The following AHCYL2 variants were observed in gnomAD, a reference collection of about 807,000 sequenced individuals.
The protein encoded by AHCYL2 is S-adenosylhomocysteine hydrolase-like protein 2.
A neutral mutation model predicts 81.4 loss-of-function variants in AHCYL2; 28 were observed. The ratio of observed to expected loss-of-function variants is 0.34; its 90% CI spans 0.25 to 0.47. The LOEUF is 0.47. Among genes scored for constraint, AHCYL2 ranks in the 20% least tolerant of loss-of-function variants. The pLI, the probability that AHCYL2 is intolerant of heterozygous loss-of-function variation, is 1.00. For missense variants in AHCYL2, 551 were observed against 785.1 expected, an observed-to-expected ratio of 0.70 and a Z score of 3.56; for synonymous variants, 272 against 290.2, an observed-to-expected ratio of 0.94 and a Z score of 0.64.
At chr7:129,323,983 G>A (rs1176095096) in intron 1 of AHCYL2, among the ~76,000 whole-genome samples, 1 of 150,136 alleles carries the variant, frequency 6.7e-6, no homozygotes, top group Non-Finnish European at 1.5e-5. Flanking sequence ...AGATTCTCCT[G>A]CCTCAGACTC....
At chr7:129,240,909 G>A (rs565620372) in intron 1 of AHCYL2, among the ~76,000 whole-genome samples, 1 of 152,174 alleles carries the variant, frequency 6.6e-6, no homozygotes, top group South Asian at 2.1e-4. Flanking sequence ...TTAACCTGTG[G>A]GTCATTCATG....
At chr7:129,252,349 A>G (rs1795273434) in intron 1 of AHCYL2, among the ~76,000 whole-genome samples, 1 of 152,254 alleles carries the variant, frequency 6.6e-6, no homozygotes, top group Non-Finnish European at 1.5e-5. Context: ...ATGATACTTG[A>G]CAGTTTTAAA....
rs1311974377 is a variant in AHCYL2, at chr7:129,304,509, G to A, written c.364-75129G>A. On this transcript the variant is annotated intron_variant, in intron 1 of 16. Transcript: ENST00000325006. ...AAGTCTCTAGCTAGCTATTGTTTTG[G>A]AGTCTTATCTATTTAGCTCTAATAA... Among the ~76,000 whole-genome samples the A allele has an allele frequency of 3.3e-5, 5 of 152,118 alleles. No individual in the cohort carries two copies. The East Asian group carries it at 5.8e-4, about 18-fold the overall frequency.
At chr7:129,358,400 A>C (rs1432107249) in intron 1 of AHCYL2, among the ~76,000 whole-genome samples, 1 of 147,214 alleles carries the variant, frequency 6.8e-6, no homozygotes, top group Non-Finnish European at 1.5e-5. Flanking sequence ...TCACACACAC[A>C]CAAAAAAAAA....
intron 1 of AHCYL2, among the ~76,000 whole-genome samples, chr7:129,243,733 C>G (rs1315763810): frequency 1.3e-5 from 2 of 151,822 alleles, no homozygotes; most frequent in African/African-American, 4.8e-5. Flanking sequence ...AGGCGCCCAC[C>G]ACCACGCCCA....
At chr7:129,262,789 G>T (rs1314196799) in intron 1 of AHCYL2, among the ~76,000 whole-genome samples, 1 of 152,194 alleles carries the variant, frequency 6.6e-6, no homozygotes, top group Admixed American at 6.5e-5. Context: ...GGTCACTTCA[G>T]TCAGTTGGGG....
intron 1 of AHCYL2, among the ~76,000 whole-genome samples, chr7:129,316,959 C>T (rs940014343): frequency 1.3e-5 from 2 of 152,154 alleles, no homozygotes; most frequent in East Asian, 3.8e-4. Flanking sequence ...AACACGATAA[C>T]ATGTTTGTTC....
chr7:129,401,130 C>T (rs1219644919), intron 6 of AHCYL2, among the ~76,000 whole-genome samples: 2 of 152,118 alleles, frequency 1.3e-5, no homozygotes, highest in Non-Finnish European at 2.9e-5. Context: ...TCGAGACCAG[C>T]CTGGGCAACA....
rs58653086 is a variant in AHCYL2 at position 129,256,549 on chromosome 7, AC to A, written c.363+31120del. Among the ~76,000 whole-genome samples, 350 of 63,750 alleles carry A rather than the reference AC, an allele frequency of 5.5e-3. 12 individuals carry two copies. Among genetic ancestry groups the A allele is most frequent in the African/African-American group, 0.022 (322 of 14,566 alleles). The allele number at this position is 63,750 out of a possible 152,430, so 41.8% of individuals were successfully genotyped here. A position where few individuals can be genotyped will look rare whatever the true frequency, so the allele number is the denominator to read the frequency against. On this transcript the variant is annotated intron_variant, in intron 1 of 16. Transcript: ENST00000325006. ...TCTTGCTTCCCGCCCCCCACCCCCC[AC>A]CCCCCCCCCGCCTTAATCTATCTTG...
At chr7:129,246,122 G>T (rs1010769891) in intron 1 of AHCYL2, among the ~76,000 whole-genome samples, 1 of 151,230 alleles carries the variant, frequency 6.6e-6, no homozygotes, top group Non-Finnish European at 1.5e-5. Flanking sequence ...GCAATGATGC[G>T]ATCTTGGCTC....
chr7:129,269,625 G>T (rs950563526), intron 1 of AHCYL2, among the ~76,000 whole-genome samples: 1 of 151,812 alleles, frequency 6.6e-6, no homozygotes, highest in Non-Finnish European at 1.5e-5. Context: ...AATAGAGATG[G>T]GGGTCTCACT....
At chr7:129,405,047 T>C in intron 7 of AHCYL2, 50 bp from the exon 8 acceptor site, 1 of 1,238,982 alleles carries the variant, frequency 8.1e-7, no homozygotes, top group Non-Finnish European at 1.1e-6. Flanking sequence ...AAAGCAATGG[T>C]AGATTGTAAT....
At chr7:129,262,087 T>C (rs1290267237) in intron 1 of AHCYL2, among the ~76,000 whole-genome samples, 2 of 152,206 alleles carry the variant, frequency 1.3e-5, no homozygotes, top group Admixed American at 1.3e-4. Context: ...TGATATTCTA[T>C]TATGTGCCAG....
rs753838608 is a variant in AHCYL2, at chr7:129,368,062, G to A, written c.364-11576G>A. 6 of 972,234 alleles carry A rather than the reference G, an allele frequency of 6.2e-6. No homozygotes were observed. Among genetic ancestry groups the A allele is most frequent in the Non-Finnish European group, 6.1e-6 (5 of 816,454 alleles). The allele number at this position is 972,234 out of a possible 1,614,324, so 60.2% of individuals were successfully genotyped here. On this transcript the variant is annotated intron_variant, in intron 1 of 16. Transcript: ENST00000325006. This position sits in a 1 kb window ranked among gnomAD's most constrained non-coding sequence, Gnocchi z 4.4. ...TCAGTCTTTATTGATCTTGGTATCC[G>A]CACCTCCAGTGACGTGTCCTGAAGG...
intron 1 of AHCYL2, among the ~76,000 whole-genome samples, chr7:129,334,094 G>A (rs1798512865): frequency 6.6e-6 from 1 of 152,112 alleles, no homozygotes; most frequent in African/African-American, 2.4e-5. Context: ...AACCCTGTTA[G>A]TGGATAGTTG....
intron 1 of AHCYL2, among the ~76,000 whole-genome samples, chr7:129,255,254 CTG>C (rs887574441): frequency 1.3e-4 from 20 of 151,866 alleles, no homozygotes; most frequent in African/African-American, 4.6e-4. Flanking sequence ...GAGCGAGAGT[CTG>C]TCTCAAAAAA....
intron 1 of AHCYL2, chr7:129,375,611 C>A (rs2150874223): frequency 7.6e-7 from 1 of 1,323,772 alleles, no homozygotes; most frequent in South Asian, 2.1e-5. Context: ...AGGAAAAAAA[C>A]AAGTAAAAGC....
chr7:129,424,981 G>C, intron 14 of AHCYL2, 39 bp downstream of exon 14: 2 of 1,613,526 alleles, frequency 1.2e-6, no homozygotes, highest in Non-Finnish European at 1.7e-6. Flanking sequence ...GTCTGGAGAA[G>C]GTCCTCAGAC....
In AHCYL2 at chr7:129,429,565, A is replaced by G. The variant is rs1797498040; in HGVS notation, c.*2520A>G. The G allele has an allele frequency of 6.6e-6, 1 of 152,126 alleles. No individual in the cohort carries two copies. Among genetic ancestry groups the G allele is most frequent in the African/African-American group, 2.4e-5 (1 of 41,346 alleles). The allele number at this position is 152,126 out of a possible 1,614,324, so 9.4% of individuals were successfully genotyped here. ...TCACCCTTAGAGACAGGGTTTCACT[A>G]TGTTGCCCAGGCTGGTCTCAAACTC... On this transcript the variant is annotated 3_prime_UTR_variant, in exon 17 of 17. Coordinates refer to ENST00000325006, the MANE Select transcript of AHCYL2 (RefSeq NM_015328.4).
Sources: allele counts gnomAD v4.1 joint callset (sites outside exome capture counted in the v4.1 genomes callset), GRCh38; gene constraint gnomAD v4.1.1; non-coding constraint Gnocchi (gnomAD v3.1); transcripts MANE v1.5; gene names NCBI Gene and HGNC (gene_info 2026-07-23, HGNC 2026-07-21).